The following CORIN variants were observed in gnomAD, a reference collection of about 807,000 sequenced individuals.
The protein encoded by CORIN is corin, serine peptidase.
In CORIN, 117 loss-of-function variants were observed where a neutral mutation model predicts 125.3. The ratio of observed to expected loss-of-function variants is 0.93; its 90% CI spans 0.80 to 1.09. The LOEUF is 1.09. CORIN is among the 50% of genes least tolerant of loss of function. The probability of loss-of-function intolerance (pLI) is 0.00; values close to 1 mark genes in which losing one functional copy is unlikely to be tolerated. For missense variants in CORIN, 1,253 were observed against 1,306.7 expected (o/e 0.96, Z 0.63); for synonymous variants, 450 against 466.4 (o/e 0.96, Z 0.45).
chr4:47,724,813 T>C (rs994073884), intron 5 of CORIN, among the ~76,000 whole-genome samples: 1 of 152,204 alleles, frequency 6.6e-6, no homozygotes, highest in African/African-American at 2.4e-5. Context: ...ATTACCTGAT[T>C]AGGTCTACTG....
intron 21 of CORIN, among the ~76,000 whole-genome samples, chr4:47,596,628 A>G (rs760771821): frequency 8.5e-5 from 13 of 152,202 alleles, no homozygotes; most frequent in Non-Finnish European, 1.6e-4. Context: ...AATACTTGCT[A>G]CATCTGAAAA....
At chr4:47,709,390 C>T (rs1222754148) in intron 5 of CORIN, among the ~76,000 whole-genome samples, 1 of 152,072 alleles carries the variant, frequency 6.6e-6, no homozygotes, top group Non-Finnish European at 1.5e-5. Flanking sequence ...ATCTCCCAGG[C>T]TCAAGCAATC....
At chr4:47,770,918 T>C (rs1015911939) in intron 3 of CORIN, among the ~76,000 whole-genome samples, 1 of 152,122 alleles carries the variant, frequency 6.6e-6, no homozygotes, top group Non-Finnish European at 1.5e-5. Flanking sequence ...GGATCCAAAA[T>C]TTCAGTTAGA....
At chr4:47,815,540 A>AT (rs1732228571) in intron 1 of CORIN, among the ~76,000 whole-genome samples, 1 of 152,176 alleles carries the variant, frequency 6.6e-6, no homozygotes, top group African/African-American at 2.4e-5. Flanking sequence ...GACAAGATAG[A>AT]TAAATAGGAT....
intron 16 of CORIN, among the ~76,000 whole-genome samples, chr4:47,631,366 C>T (rs1023162119): frequency 2.6e-5 from 4 of 152,206 alleles, no homozygotes; most frequent in South Asian, 2.1e-4. Flanking sequence ...GCCTGAGCTC[C>T]GCCTCCTGTC....
At chr4:47,791,635 G>T (rs1731086550) in intron 2 of CORIN, among the ~76,000 whole-genome samples, 1 of 152,164 alleles carries the variant, frequency 6.6e-6, no homozygotes, top group African/African-American at 2.4e-5. Flanking sequence ...GCTTGCTCAA[G>T]ATTTGAGTTG....
intron 4 of CORIN, among the ~76,000 whole-genome samples, chr4:47,761,676 T>C (rs1729468629): frequency 6.6e-6 from 1 of 152,076 alleles, no homozygotes; most frequent in Non-Finnish European, 1.5e-5. Context: ...TTTGATCTCA[T>C]TGAAATAGAG....
intron 5 of CORIN, among the ~76,000 whole-genome samples, chr4:47,738,501 C>A (rs1215712015): frequency 6.6e-6 from 1 of 152,196 alleles, no homozygotes; most frequent in African/African-American, 2.4e-5. Flanking sequence ...ACAAACTTAA[C>A]ATAATTTGTT....
At chr4:47,788,182 G>A (rs1730906469) in intron 2 of CORIN, among the ~76,000 whole-genome samples, 1 of 152,108 alleles carries the variant, frequency 6.6e-6, no homozygotes, top group Non-Finnish European at 1.5e-5. Flanking sequence ...TTTTCTAAAA[G>A]CATTTACAGT....
intron 14 of CORIN, 49 bp from the exon 15 acceptor site, chr4:47,643,305 G>A: frequency 6.6e-7 from 1 of 1,519,028 alleles, no homozygotes; most frequent in Non-Finnish European, 8.9e-7. Flanking sequence ...AGAAATAAAT[G>A]TGATTATCAC....
chr4:47,740,795 C>T (rs374117432), intron 5 of CORIN, among the ~76,000 whole-genome samples: 41 of 151,892 alleles, frequency 2.7e-4, no homozygotes, highest in Non-Finnish European at 5.8e-4. Flanking sequence ...CAGAAATAAA[C>T]CCATACATCT....
At chr4:47,658,014 C>G (rs1399560167) in intron 12 of CORIN, among the ~76,000 whole-genome samples, 5 of 152,164 alleles carry the variant, frequency 3.3e-5, no homozygotes, top group Non-Finnish European at 5.9e-5. Flanking sequence ...CTAATTCCAG[C>G]ATTAACTCAA....
chr4:47,831,504 C>T (rs994533733), intron 1 of CORIN: 2 of 152,144 alleles, frequency 1.3e-5, no homozygotes, highest in East Asian at 3.9e-4. Context: ...TTCAGCAGTC[C>T]CAAGGTGAGT....
chr4:47,837,073 G>A (rs974714405), intron 1 of CORIN, among the ~76,000 whole-genome samples: 2 of 152,202 alleles, frequency 1.3e-5, no homozygotes, highest in Non-Finnish European at 2.9e-5. Context: ...TTCTCCTCCT[G>A]AACGAGAGCC....
intron 3 of CORIN, among the ~76,000 whole-genome samples, chr4:47,775,131 C>G (rs574442300): frequency 1.3e-5 from 2 of 152,186 alleles, no homozygotes. Flanking sequence ...TAGACGCATA[C>G]AAGTGGAACA....
chr4:47,836,240 T>C (rs1733399882), intron 1 of CORIN, among the ~76,000 whole-genome samples: 1 of 152,138 alleles, frequency 6.6e-6, no homozygotes, highest in Non-Finnish European at 1.5e-5. Flanking sequence ...GGACCAATTT[T>C]TAGCACAATC....
intron 19 of CORIN, among the ~76,000 whole-genome samples, chr4:47,622,150 T>C (rs113566016): frequency 0.021 from 3,240 of 151,140 alleles, 45 homozygotes; most frequent in Non-Finnish European, 0.033. Context: ...ATTTCCAATT[T>C]CATCCATGTC....
In CORIN at chr4:47,703,172, C is replaced by G. The variant is rs548542561; in HGVS notation, c.800-10089G>C. On this transcript the variant is annotated intron_variant, in intron 5 of 21. Coordinates refer to ENST00000273857, the MANE Select transcript of CORIN (RefSeq NM_006587.4). ...ATTCTGAAGCCCTAGGTCAGCACTC[C>G]GCTGGAGCCCCTCCTATACTCTCCA... Among the ~76,000 whole-genome samples the G allele has an allele frequency of 4.6e-5, 7 of 152,132 alleles. No homozygotes were observed. The East Asian group carries it at 1.2e-3, about 25-fold the overall frequency.
intron 19 of CORIN, among the ~76,000 whole-genome samples, chr4:47,615,989 C>T (rs921431691): frequency 6.6e-6 from 1 of 151,950 alleles, no homozygotes; most frequent in Non-Finnish European, 1.5e-5. Flanking sequence ...ATTAGCGAAC[C>T]GATGGATGAT....
Sources: allele counts gnomAD v4.1 joint callset (sites outside exome capture counted in the v4.1 genomes callset), GRCh38; gene constraint gnomAD v4.1.1; transcripts MANE v1.5; gene names NCBI Gene and HGNC (gene_info 2026-07-23, HGNC 2026-07-21).